OTUB2: variants seen among roughly 807,000 people sequenced by gnomAD.
OTUB2 encodes OTU deubiquitinase, ubiquitin aldehyde binding 2, also known as ubiquitin thioesterase OTUB2.
In OTUB2, 21 loss-of-function variants were observed where a neutral mutation model predicts 25.1. The ratio of observed to expected loss-of-function variants is 0.84; its 90% confidence interval spans 0.59 to 1.21. OTUB2 has a LOEUF of 1.21. OTUB2 is among the 50% of genes most tolerant of loss of function. OTUB2 has a pLI of 0.00. For synonymous variants in OTUB2, 122 were observed against 122.8 expected, an observed-to-expected ratio of 0.99 and a Z score of 0.04; for missense variants, 283 against 298.0, an observed-to-expected ratio of 0.95 and a Z score of 0.37.
chr14:94,035,286 C>CTTTTTTTTTTTTTTTTTT (rs761154708), intron 1 of OTUB2, among the ~76,000 whole-genome samples: 13 of 104,036 alleles, frequency 1.2e-4, no homozygotes, highest in East Asian at 6.0e-4. Context: ...TTTTTCTTTT[C>CTTTTTTTTTTTTTTTTTT]TTTTTTTTTT....
At chr14:94,030,018 AAC>A (rs1353807360) in intron 1 of OTUB2, among the ~76,000 whole-genome samples, 1 of 152,218 alleles carries the variant, frequency 6.6e-6, no homozygotes, top group Non-Finnish European at 1.5e-5. Flanking sequence ...CTTGTGAAGG[AAC>A]ACAGAGAGGG....
intron 3 of OTUB2, among the ~76,000 whole-genome samples, chr14:94,039,958 T>G (rs550817037): frequency 2.0e-4 from 31 of 152,250 alleles, no homozygotes; most frequent in African/African-American, 7.0e-4. Flanking sequence ...ACTGACGTTT[T>G]GGGCCAGATC....
At chr14:94,031,307 CCT>C (rs1232993270) in intron 1 of OTUB2, among the ~76,000 whole-genome samples, 5 of 152,096 alleles carry the variant, frequency 3.3e-5, no homozygotes, top group Admixed American at 2.0e-4. Context: ...ATATCATACC[CCT>C]GAGTACACAT....
chr14:94,041,817 G>T (rs1389079804), intron 3 of OTUB2, among the ~76,000 whole-genome samples: 1 of 152,184 alleles, frequency 6.6e-6, no homozygotes, highest in Non-Finnish European at 1.5e-5. Flanking sequence ...GGGTTCCTTG[G>T]GCCCCAGGCA....
At chr14:94,044,551 C>T in intron 4 of OTUB2, 35 bp from the exon 5 acceptor site, 1 of 1,582,034 alleles carries the variant, frequency 6.3e-7, no homozygotes, top group South Asian at 1.1e-5. Context: ...CTGGGGCTTG[C>T]TTGGCCTCCC....
chr14:94,044,091 A>G, intron 4 of OTUB2, 36 bp downstream of exon 4: 1 of 1,581,790 alleles, frequency 6.3e-7, no homozygotes, highest in Non-Finnish European at 8.7e-7. Flanking sequence ...ACACTGGCAG[A>G]GCAGACAGGA....
chr14:94,033,374 G>A (rs1251577341), intron 1 of OTUB2, among the ~76,000 whole-genome samples: 1 of 152,140 alleles, frequency 6.6e-6, no homozygotes, highest in Non-Finnish European at 1.5e-5. Context: ...CATTTTAACT[G>A]TTGATGGCAG....
chr14:94,042,063 G>A lies in OTUB2; in HGVS notation c.219-1908G>A, dbSNP rs1885171364. 3.0e-5 allele frequency among the ~76,000 whole-genome samples: 4 copies of A among 134,332 alleles called. No individual in the cohort carries two copies. In the South Asian group the frequency reaches 9.1e-4, roughly 31 times the overall value. The allele number at this position is 134,332 out of a possible 152,430, so 88.1% of individuals were successfully genotyped here. On this transcript the variant is annotated intron_variant, in intron 3 of 5. Coordinates refer to ENST00000203664, the MANE Select transcript of OTUB2 (RefSeq NM_023112.4). Reference sequence around the variant, plus strand: ...CTCTGCTCAGTGCTGCTGCAGGGCTGGAGCAAGCGTGTTGCAGCAGTATGC... The same window carrying A: ...CTCTGCTCAGTGCTGCTGCAGGGCTAGAGCAAGCGTGTTGCAGCAGTATGC...
chr14:94,045,751 C>A lies in OTUB2; in HGVS notation c.534C>A (p.Ile178=). Residue 178 remains isoleucine, a synonymous_variant, in exon 6 of 6, where the codon ATC becomes ATA. Coordinates refer to ENST00000203664, the MANE Select transcript of OTUB2 (RefSeq NM_023112.4). Reference sequence around the variant, plus strand: ...CCATGGCCACGGAGTGTGACCACATCCAGATCACGGCGTTGTCGCAGGCCC... The same window carrying A: ...CCATGGCCACGGAGTGTGACCACATACAGATCACGGCGTTGTCGCAGGCCC... The part of the protein sequence containing the change: ...VEPMATECDH[I]QITALSQALS... The A allele has an allele frequency of 6.2e-7, 1 of 1,614,200 alleles. No homozygotes were observed. Among genetic ancestry groups the A allele is most frequent in the African/African-American group, 1.3e-5 (1 of 75,056 alleles).
intron 1 of OTUB2, among the ~76,000 whole-genome samples, chr14:94,034,631 A>G (rs952287015): frequency 6.6e-6 from 1 of 152,234 alleles, no homozygotes; most frequent in Non-Finnish European, 1.5e-5. Flanking sequence ...TGAGCCTAGC[A>G]CATAGTATTT....
At chr14:94,044,535 G>A (rs1885226843) in intron 4 of OTUB2, 51 bp from the exon 5 acceptor site, 1 of 1,555,784 alleles carries the variant, frequency 6.4e-7, no homozygotes, top group African/African-American at 1.4e-5. Context: ...GAATGCAGAG[G>A]GAGGGCTGGG....
At chr14:94,045,527 T>C (rs978669377) in intron 5 of OTUB2, among the ~76,000 whole-genome samples, 189 bp from the exon 6 acceptor site, 2 of 152,150 alleles carry the variant, frequency 1.3e-5, no homozygotes, top group African/African-American at 4.8e-5. Flanking sequence ...GATTTCTAGC[T>C]ATGCTGCCTC....
In OTUB2 at chr14:94,046,188, T is replaced by A; in HGVS notation, c.*266T>A. 1.8e-6 allele frequency: 1 copy of A among 555,284 alleles called. No individual in the cohort carries two copies. The highest frequency in any genetic ancestry group is 3.1e-5 in the Admixed American group (1 of 32,472). 34.4% of individuals were successfully genotyped at this position (555,284 alleles called of 1,614,324 possible). A position where few individuals can be genotyped will look rare whatever the true frequency, so the allele number is the denominator to read the frequency against. On this transcript the variant is annotated 3_prime_UTR_variant, in exon 6 of 6. Coordinates refer to ENST00000203664, the MANE Select transcript of OTUB2 (RefSeq NM_023112.4). ...AGTTCGCAGTGAGGCCCTGGGTGGG[T>A]CACCTGCCCTCTCTGGACTTGTTTC...
intron 1 of OTUB2, among the ~76,000 whole-genome samples, chr14:94,037,162 A>C (rs1317565149): frequency 6.6e-6 from 1 of 152,172 alleles, no homozygotes; most frequent in East Asian, 1.9e-4. Flanking sequence ...AACCAGGGCT[A>C]TCTCTTCACG....
At chr14:94,035,599 T>C (rs1567052113) in intron 1 of OTUB2, among the ~76,000 whole-genome samples, 1 of 152,256 alleles carries the variant, frequency 6.6e-6, no homozygotes, top group East Asian at 1.9e-4. Context: ...CATCCAGTTC[T>C]TTAGGACAAT....
rs187895985 is a variant in OTUB2 at position 94,028,065 on chromosome 14, C to T, written c.3+1525C>T. ...TGCTCTTTGTGCCATGCAGTGAGGC[C>T]GCTCACTCTGCTCCCTATCTGCCCT... On this transcript the variant is annotated intron_variant, in intron 1 of 5. Transcript: ENST00000203664. Among the ~76,000 whole-genome samples, 11 of 152,336 alleles carry T rather than the reference C, an allele frequency of 7.2e-5. No homozygotes were observed. The East Asian group carries it at 7.7e-4, about 11-fold the overall frequency.
intron 1 of OTUB2, among the ~76,000 whole-genome samples, chr14:94,033,243 A>C (rs1884994027): frequency 6.6e-6 from 1 of 152,022 alleles, no homozygotes; most frequent in South Asian, 2.1e-4. Flanking sequence ...TGGCTCTTTT[A>C]AAGAGCTTAA....
At chr14:94,031,361 T>C (rs1022104844) in intron 1 of OTUB2, among the ~76,000 whole-genome samples, 1 of 151,810 alleles carries the variant, frequency 6.6e-6, no homozygotes, top group Admixed American at 6.6e-5. Flanking sequence ...CAGTCCATAG[T>C]GCTGGGCCCA....
chr14:94,041,027 G>C (rs1274312303), intron 3 of OTUB2, among the ~76,000 whole-genome samples: 2 of 152,066 alleles, frequency 1.3e-5, no homozygotes, highest in Non-Finnish European at 2.9e-5. Flanking sequence ...CAGGACAGAC[G>C]GGGGCGGAGA....
Sources: allele counts gnomAD v4.1 joint callset (sites outside exome capture counted in the v4.1 genomes callset), GRCh38; gene constraint gnomAD v4.1.1; transcripts MANE v1.5; gene names NCBI Gene and HGNC (gene_info 2026-07-23, HGNC 2026-07-21).